AKR7A3: variants seen among roughly 807,000 people sequenced by gnomAD.
AKR7A3 encodes AFB1 aldehyde reductase 2.
In AKR7A3, 37 loss-of-function variants were observed where a neutral mutation model predicts 32.5. That is an observed-to-expected ratio of 1.14 (90% CI 0.88 to 1.50). AKR7A3 has a LOEUF of 1.50. Ranked by LOEUF, AKR7A3 falls within the 40% of genes most tolerant of loss-of-function variation. AKR7A3 has a pLI of 0.00. For synonymous variants in AKR7A3, 177 were observed against 188.4 expected (o/e 0.94, Z 0.50); for missense variants, 412 against 453.2 (o/e 0.91, Z 0.83).
intron 5 of AKR7A3, 49 bp from the exon 6 acceptor site, chr1:19,284,174 A>G: frequency 6.4e-7 from 1 of 1,571,736 alleles, no homozygotes; most frequent in South Asian, 1.2e-5. Context: ...ATTGGGAGCC[A>G]CAACCAAAGA....
downstream of AKR7A3, among the ~76,000 whole-genome samples, chr1:19,280,905 C>T (rs1367916266): frequency 2.6e-5 from 4 of 151,746 alleles, no homozygotes; most frequent in Admixed American, 6.6e-5. Context: ...ATTGTCTTGA[C>T]GCTCTTTAAA....
At chr1:19,276,414 A>C in the AKR7A3 span, among the ~76,000 whole-genome samples, 2 of 151,468 alleles carry the variant, frequency 1.3e-5, no homozygotes, top group Non-Finnish European at 2.9e-5. Flanking sequence ...CCATATAAAC[A>C]ACATGAATGG....
chr1:19,283,447 T>C (rs2093722387), intron 6 of AKR7A3, among the ~76,000 whole-genome samples: 1 of 152,074 alleles, frequency 6.6e-6, no homozygotes, highest in Middle Eastern at 3.4e-3. Flanking sequence ...TCAATAACAC[T>C]GGGATAGTCA....
At position 19,282,982 on chromosome 1, in the gene AKR7A3, G is replaced by A. The variant is rs558926679; in HGVS notation, c.835-90C>T. 195 of 1,547,058 alleles carry A rather than the reference G, an allele frequency of 1.3e-4. 1 individual carries two copies. In the Admixed American group the frequency reaches 3.2e-3, roughly 25 times the overall value. On this transcript the variant is annotated intron_variant, in intron 6 of 6. Coordinates refer to ENST00000361640, the MANE Select transcript of AKR7A3 (RefSeq NM_012067.3). Reference sequence around the variant, plus strand: ...CCAGCCACCTCCCTGCTGAGATTTGGGATCTCTTGTATCCCATATGTCCAG... The same window carrying A: ...CCAGCCACCTCCCTGCTGAGATTTGAGATCTCTTGTATCCCATATGTCCAG...
At chr1:19,274,982 TAATTA>T in the AKR7A3 span, among the ~76,000 whole-genome samples, 1 of 136,572 alleles carries the variant, frequency 7.3e-6, no homozygotes, top group African/African-American at 2.7e-5. Context: ...ACCATATCAA[TAATTA>T]CATTAAATAT....
At chr1:19,285,293 T>C (rs2093727698) in intron 3 of AKR7A3, among the ~76,000 whole-genome samples, 179 bp from the exon 4 acceptor site, 1 of 152,008 alleles carries the variant, frequency 6.6e-6, no homozygotes, top group African/African-American at 2.4e-5. Flanking sequence ...AATTCATTCA[T>C]TCTGCCAACT....
In AKR7A3 at chr1:19,284,045, C is replaced by T. The variant is rs746241251; in HGVS notation, c.785G>A (p.Ser262Asn). 32 of 1,613,566 alleles carry T rather than the reference C, an allele frequency of 2.0e-5. No homozygotes were observed. In the Admixed American group the frequency reaches 3.5e-4, roughly 18 times the overall value. Residue 262 changes from serine (S) to asparagine (N), a missense_variant, in exon 6 of 7, where the codon AGC becomes AAC. By Grantham distance (46) the Ser-to-Asn change is conservative. Coordinates refer to ENST00000361640, the MANE Select transcript of AKR7A3 (RefSeq NM_012067.3). Reference protein sequence around the residue: ...LQAAYGASAPSMTSATLRWMY... With the variant: ...LQAAYGASAPNMTSATLRWMY... ...CCACCGGAGGGTGGCCGAGGTCATGCTGGGGGCGCTGGCGCCATACGCGGC... is the reference window on the plus strand; with the variant it reads ...CCACCGGAGGGTGGCCGAGGTCATGTTGGGGGCGCTGGCGCCATACGCGGC...
chr1:19,285,792 C>T (rs2093728506), intron 3 of AKR7A3, 96 bp downstream of exon 3: 12 of 1,478,884 alleles, frequency 8.1e-6, no homozygotes, highest in African/African-American at 1.4e-5. Context: ...GGAGTGGCTG[C>T]TATGCAGAGG....
At chr1:19,276,575 G>C in the AKR7A3 span, among the ~76,000 whole-genome samples, 1 of 151,598 alleles carries the variant, frequency 6.6e-6, no homozygotes, top group African/African-American at 2.4e-5. Context: ...GCTGAGGCAG[G>C]CAGATCACTT....
Position 19,282,609 on chromosome 1 carries a change from A to G in AKR7A3, c.*122T>C, listed in dbSNP as rs552974426. 6.6e-6 allele frequency: 10 copies of G among 1,504,052 alleles called. No homozygotes were observed. Among genetic ancestry groups the G allele is most frequent in the African/African-American group, 5.6e-5 (4 of 70,964 alleles). 93.2% of individuals were successfully genotyped at this position (1,504,052 alleles called of 1,614,324 possible). On this transcript the variant is annotated 3_prime_UTR_variant, in exon 7 of 7. Coordinates refer to ENST00000361640, the MANE Select transcript of AKR7A3 (RefSeq NM_012067.3). ...TTCTTCATTTGGTGGTGACTCTTCT[A>G]TTAGGTTTTTGTCCAAATACTTCCA...
the AKR7A3 span, chr1:19,274,252 C>T: frequency 7.8e-7 from 1 of 1,286,462 alleles, no homozygotes; most frequent in Non-Finnish European, 1.0e-6. Flanking sequence ...ACTCCGCTCT[C>T]AACCACGAGG....
intron 1 of AKR7A3, among the ~76,000 whole-genome samples, chr1:19,287,217 G>A (rs1409708192): frequency 5.3e-5 from 8 of 151,422 alleles, no homozygotes; most frequent in African/African-American, 2.0e-4. Context: ...TGAGGTGGGA[G>A]GATGGCTTGA....
chr1:19,287,398 C>G (rs941986137), intron 1 of AKR7A3, among the ~76,000 whole-genome samples: 4 of 151,622 alleles, frequency 2.6e-5, no homozygotes, highest in African/African-American at 9.8e-5. Flanking sequence ...GATGCACGCA[C>G]AGGCCAGGTT....
rs1410180644 is a variant in AKR7A3, at chr1:19,285,099, T to C, written c.523A>G (p.Ile175Val). 1.9e-6 allele frequency: 3 copies of C among 1,613,316 alleles called. No homozygotes were observed. Among genetic ancestry groups the C allele is most frequent in the Non-Finnish European group, 1.7e-6 (2 of 1,179,842 alleles). Residue 175 changes from isoleucine to valine, a missense_variant, in exon 4 of 7, where the codon ATC becomes GTC. Physicochemically the swap from Ile to Val is conservative, Grantham distance 29 (BLOSUM62 3). Transcript: ENST00000361640. The stretch of plus-strand genomic sequence containing the variant: ...AGCTCCGTTTCCACCTGCCGGGTGA[T>C]GGCATTGTACATGCCCTGTAAGGAG... ...PTVYQGMYNA[I>V]TRQVETELFP...
Position 19,284,699 on chromosome 1 carries a change from T to C in AKR7A3, c.691A>G (p.Met231Val). ...GRFFGNTWAE[M>V]YRNRYWKEHH... ...CCCACAGCTTACCGATTCCTGTACA[T>C]CTCTGCCCAGGTATTCCCAAAGAAG... Residue 231 changes from methionine (M) to valine (V), a missense_variant, in exon 5 of 7, where the codon ATG (methionine) becomes GTG (valine). Transcript: ENST00000361640. 3 of 1,613,818 alleles carry C rather than the reference T, an allele frequency of 1.9e-6. No individual in the cohort carries two copies. Among genetic ancestry groups the C allele is most frequent in the Non-Finnish European group, 2.5e-6 (3 of 1,179,978 alleles).
chr1:19,282,230 G>C (rs77425755), downstream of AKR7A3, among the ~76,000 whole-genome samples: 4,286 of 151,908 alleles, frequency 0.028, 80 homozygotes, highest in South Asian at 0.054. Context: ...GGAGGGGTTA[G>C]GGTATGGGGG....
At chr1:19,279,260 A>T (rs2093715516), downstream of AKR7A3, among the ~76,000 whole-genome samples, 1 of 151,368 alleles carries the variant, frequency 6.6e-6, no homozygotes, top group Non-Finnish European at 1.5e-5. Context: ...CTTTTTTATT[A>T]TTTTTTTTAA....
chr1:19,288,089 C>A (rs74824160), intron 1 of AKR7A3, among the ~76,000 whole-genome samples: 1 of 152,074 alleles, frequency 6.6e-6, no homozygotes, highest in Admixed American at 6.5e-5. Context: ...GAGTGCCAGG[C>A]GGTAAGAACA....
chr1:19,284,086 C>T lies in AKR7A3; in HGVS notation c.744G>A (p.Val248=), dbSNP rs1209607762. The T allele has an allele frequency of 6.2e-7, 1 of 1,613,652 alleles. No homozygotes were observed. The highest frequency in any genetic ancestry group is 1.7e-5 in the Admixed American group (1 of 60,014). The change falls in exon 6 of 7, where the codon GTG becomes GTA. Residue 248 remains valine (V), a synonymous_variant. Coordinates refer to ENST00000361640, the MANE Select transcript of AKR7A3 (RefSeq NM_012067.3). ...KEHHFEGIAL[V]EKALQAAYGA... ...CATACGCGGCCTGCAGGGCCTTCTC[C>T]ACCAGGGCAATGCCCTCAAAGTGGT...
Sources: allele counts gnomAD v4.1 joint callset (sites outside exome capture counted in the v4.1 genomes callset), GRCh38; gene constraint gnomAD v4.1.1; transcripts MANE v1.5; gene names NCBI Gene and HGNC (gene_info 2026-07-23, HGNC 2026-07-21).